Variants in ACER3 observed in about 807,000 individuals in gnomAD.
ACER3 encodes the protein alkCDase 3.
In ACER3, 16 loss-of-function variants were observed where a neutral mutation model predicts 48.9. That is an observed-to-expected ratio of 0.33 (90% CI 0.22 to 0.50). The LOEUF (loss-of-function observed/expected upper bound fraction) is 0.50, where lower values mean the gene tolerates loss of function less well. Ranked by LOEUF, ACER3 falls within the 20% of genes least tolerant of loss-of-function variation. The pLI is 0.98. For synonymous variants in ACER3, 109 were observed against 107.8 expected, an observed-to-expected ratio of 1.01 and a Z score of -0.07; for missense variants, 227 against 326.0, an observed-to-expected ratio of 0.70 and a Z score of 2.34.
chr11:76,912,622 C>T (rs1314205769), intron 1 of ACER3, among the ~76,000 whole-genome samples: 2 of 151,944 alleles, frequency 1.3e-5, no homozygotes, highest in East Asian at 3.9e-4. Flanking sequence ...TTATAGAACC[C>T]AGATCACTAA....
intron 3 of ACER3, among the ~76,000 whole-genome samples, chr11:76,967,505 C>T (rs955329428): frequency 6.6e-6 from 1 of 151,522 alleles, no homozygotes; most frequent in Non-Finnish European, 1.5e-5. Flanking sequence ...GAATTTTAGA[C>T]CAATATCCTT....
intron 3 of ACER3, among the ~76,000 whole-genome samples, chr11:76,968,151 GACAA>G (rs1948188327): frequency 6.6e-6 from 1 of 151,652 alleles, no homozygotes; most frequent in Non-Finnish European, 1.5e-5. Context: ...ACCAATAACA[GACAA>G]ACAGAGAGCC....
rs1339404582 is a variant in ACER3 at position 76,959,160 on chromosome 11, T to TTC, written c.267+129_267+130insTC. On this transcript the variant is annotated intron_variant, in intron 3 of 10. Transcript: ENST00000532485. ...TCTCTGGAGTTTTTTACTTCAAGTC[T>TTC]GAGGATCCAAACTGACTAAGTGAAG... 4 of 1,543,408 alleles carry TTC rather than the reference T, an allele frequency of 2.6e-6. No homozygotes were observed. The African/African-American group carries it at 5.5e-5, about 21-fold the overall frequency.
At chr11:76,897,022 A>G (rs1418569540) in intron 1 of ACER3, among the ~76,000 whole-genome samples, 1 of 152,044 alleles carries the variant, frequency 6.6e-6, no homozygotes, top group African/African-American at 2.4e-5. Context: ...CAGTGGTGCA[A>G]TCTCAGCTCA....
intron 9 of ACER3, 115 bp from the exon 10 acceptor site, chr11:77,019,616 C>A: frequency 1.1e-6 from 1 of 904,010 alleles, no homozygotes; most frequent in South Asian, 1.4e-5. Context: ...AGCATATACT[C>A]ATGTTGTTTT....
chr11:76,957,862 A>G (rs1359424721), intron 2 of ACER3, among the ~76,000 whole-genome samples: 1 of 152,190 alleles, frequency 6.6e-6, no homozygotes, highest in Non-Finnish European at 1.5e-5. Context: ...CAAACATTTT[A>G]TAAAACGCTA....
chr11:76,941,012 A>AACAC lies in ACER3; in HGVS notation c.214+14370_214+14373dup, dbSNP rs370121849. 4.5e-3 allele frequency among the ~76,000 whole-genome samples: 664 copies of AACAC among 146,272 alleles called. 6 individuals carry two copies. Among genetic ancestry groups the AACAC allele is most frequent in the Middle Eastern group, 0.021 (6 of 292 alleles). On this transcript the variant is annotated intron_variant, in intron 2 of 10. Transcript: ENST00000532485. ...TCCCCACCAAATATGTGTGTGTATA[A>AACAC]ACACACACACACACACACACACACA...
At chr11:76,952,975 C>T (rs1220150074) in intron 2 of ACER3, among the ~76,000 whole-genome samples, 1 of 151,974 alleles carries the variant, frequency 6.6e-6, no homozygotes, top group Non-Finnish European at 1.5e-5. Context: ...CATGAAGTTG[C>T]ATAAGATTCC....
At position 76,962,421 on chromosome 11, in the gene ACER3, C is replaced by T. The variant is rs183755266; in HGVS notation, c.267+3390C>T. On this transcript the variant is annotated intron_variant, in intron 3 of 10. Coordinates refer to ENST00000532485, the MANE Select transcript of ACER3 (RefSeq NM_018367.7). The stretch of plus-strand genomic sequence containing the variant: ...TTTTAGTAGAGACGGGGTTTCACCA[C>T]ATTGGCCAGGCTGGTCTTGAACTCT... Among the ~76,000 whole-genome samples the T allele has an allele frequency of 4.6e-5, 7 of 151,116 alleles. 1 individual carries two copies. The highest frequency in any genetic ancestry group is 1.7e-4 in the African/African-American group (7 of 40,450).
chr11:76,913,095 A>G (rs1946427638), intron 1 of ACER3, among the ~76,000 whole-genome samples: 1 of 152,192 alleles, frequency 6.6e-6, no homozygotes, highest in Admixed American at 6.5e-5. Context: ...CTCCCTTGTA[A>G]GTTGGATTCT....
chr11:76,930,269 T>G (rs11533271), intron 2 of ACER3, among the ~76,000 whole-genome samples: 86,883 of 152,010 alleles, frequency 0.57, 28,028 homozygotes, highest in Non-Finnish European at 0.74. Flanking sequence ...GTTTATAATA[T>G]TCTGTGATGG....
At chr11:76,875,104 C>CTCCTTT (rs1565153658) in intron 1 of ACER3, among the ~76,000 whole-genome samples, 1 of 50,512 alleles carries the variant, frequency 2.0e-5, no homozygotes, top group Non-Finnish European at 5.5e-5. Flanking sequence ...ATGAAAAGCA[C>CTCCTTT]TTCTTTTTTT....
chr11:76,872,203 A>G (rs1000150771), intron 1 of ACER3, among the ~76,000 whole-genome samples: 3 of 152,084 alleles, frequency 2.0e-5, no homozygotes, highest in Non-Finnish European at 4.4e-5. Flanking sequence ...CAGCCTCCCA[A>G]GTAGCTGAGA....
At chr11:76,877,633 G>A (rs1945417227) in intron 1 of ACER3, among the ~76,000 whole-genome samples, 1 of 151,868 alleles carries the variant, frequency 6.6e-6, no homozygotes, top group African/African-American at 2.4e-5. Flanking sequence ...TGGCTGTTTT[G>A]TGTTCAGAAA....
chr11:76,920,571 C>T (rs1946659280), intron 1 of ACER3, among the ~76,000 whole-genome samples: 1 of 151,194 alleles, frequency 6.6e-6, no homozygotes, highest in Non-Finnish European at 1.5e-5. Flanking sequence ...TCTCCTTACT[C>T]TTATAAGTTA....
intron 1 of ACER3, among the ~76,000 whole-genome samples, chr11:76,891,161 T>C (rs1056826006): frequency 1.3e-5 from 2 of 151,422 alleles, no homozygotes; most frequent in Non-Finnish European, 2.9e-5. Flanking sequence ...CTTAAAACAG[T>C]ATCATTTCTT....
chr11:76,926,240 C>G (rs923848256), intron 1 of ACER3, among the ~76,000 whole-genome samples: 8 of 152,334 alleles, frequency 5.3e-5, no homozygotes, highest in Admixed American at 1.3e-4. Context: ...CTGCCTCCCC[C>G]AACCCATTTT....
chr11:76,877,780 C>G (rs964076739), intron 1 of ACER3, among the ~76,000 whole-genome samples: 2 of 152,104 alleles, frequency 1.3e-5, no homozygotes, highest in Admixed American at 6.5e-5. Flanking sequence ...TCTTCCTTTT[C>G]CTCTGGAGAT....
chr11:76,975,605 A>C (rs554045186), intron 3 of ACER3, among the ~76,000 whole-genome samples: 1 of 152,240 alleles, frequency 6.6e-6, no homozygotes, highest in Non-Finnish European at 1.5e-5. Flanking sequence ...GATAGGACCT[A>C]TGGACCTGTA....
Sources: allele counts gnomAD v4.1 joint callset (sites outside exome capture counted in the v4.1 genomes callset), GRCh38; gene constraint gnomAD v4.1.1; transcripts MANE v1.5; gene names NCBI Gene and HGNC (gene_info 2026-07-23, HGNC 2026-07-21).